The following ACER3 variants were observed in gnomAD, a reference collection of about 807,000 sequenced individuals.
The protein encoded by ACER3 is alkaline ceramidase 3.
A neutral mutation model predicts 48.9 loss-of-function variants in ACER3; 16 were observed. The observed-to-expected ratio is 0.33, with a 90% confidence interval of 0.22 to 0.50. The LOEUF (loss-of-function observed/expected upper bound fraction) is 0.50. ACER3 is among the 20% of genes least tolerant of loss of function. The probability of loss-of-function intolerance (pLI) is 0.98; values close to 1 mark genes in which losing one functional copy is unlikely to be tolerated. For synonymous variants in ACER3, 109 were observed against 107.8 expected, an observed-to-expected ratio of 1.01 and a Z score of -0.07; for missense variants, 227 against 326.0, an observed-to-expected ratio of 0.70 and a Z score of 2.34.
At chr11:77,007,114 G>A (rs200712951) in intron 7 of ACER3, among the ~76,000 whole-genome samples, 9 of 141,962 alleles carry the variant, frequency 6.3e-5, no homozygotes, top group African/African-American at 8.0e-5. Flanking sequence ...CCTGTCTCTT[G>A]AAAAAAAAAA....
rs539577338 is a variant in ACER3 at position 76,974,544 on chromosome 11, C to T, written c.268-1745C>T. Among the ~76,000 whole-genome samples the T allele has an allele frequency of 1.6e-4, 24 of 152,290 alleles. No individual in the cohort carries two copies. The South Asian group carries it at 5.0e-3, about 32-fold the overall frequency. On this transcript the variant is annotated intron_variant, in intron 3 of 10. Coordinates refer to ENST00000532485, the MANE Select transcript of ACER3 (RefSeq NM_018367.7). Reference sequence around the variant, plus strand: ...GAACTGCTCCACCACTTAAAAGTGTCTCAGGATCCTTAGGGTGAAGAAGTG... The same window carrying T: ...GAACTGCTCCACCACTTAAAAGTGTTTCAGGATCCTTAGGGTGAAGAAGTG...
chr11:76,912,989 G>C (rs1946423565), intron 1 of ACER3, among the ~76,000 whole-genome samples: 2 of 152,206 alleles, frequency 1.3e-5, no homozygotes, highest in Non-Finnish European at 1.5e-5. Context: ...TTTAGGATAG[G>C]AAAGAAAGGA....
chr11:76,920,919 A>G (rs1430955583), intron 1 of ACER3, among the ~76,000 whole-genome samples: 1 of 152,192 alleles, frequency 6.6e-6, no homozygotes, highest in African/African-American at 2.4e-5. Context: ...GATTATAGCC[A>G]TGATCCACAA....
intron 4 of ACER3, among the ~76,000 whole-genome samples, chr11:76,982,831 G>GCA (rs1948613920): frequency 6.6e-6 from 1 of 151,960 alleles, no homozygotes; most frequent in South Asian, 2.1e-4. Flanking sequence ...TTTTGAGTTA[G>GCA]TTTTGTCAAA....
chr11:76,958,307 C>T lies in ACER3; in HGVS notation c.215-672C>T, dbSNP rs1435846350. Among the ~76,000 whole-genome samples, 4 of 151,636 alleles carry T rather than the reference C, an allele frequency of 2.6e-5. No individual in the cohort carries two copies. The East Asian group carries it at 7.8e-4, about 30-fold the overall frequency. ...GTTCAAACGATTCTCTTGCCTCAGC[C>T]TCCCGAGTAGCTGGTATTACGGGGG... On this transcript the variant is annotated intron_variant, in intron 2 of 10. Transcript: ENST00000532485.
chr11:76,963,591 A>T (rs758727696), intron 3 of ACER3, among the ~76,000 whole-genome samples: 4 of 151,362 alleles, frequency 2.6e-5, no homozygotes, highest in Non-Finnish European at 1.5e-5. Context: ...ATCCAGTGAC[A>T]TGCTGGATCC....
At chr11:76,993,097 C>G (rs1397684040) in intron 6 of ACER3, among the ~76,000 whole-genome samples, 1 of 152,118 alleles carries the variant, frequency 6.6e-6, no homozygotes, top group Non-Finnish European at 1.5e-5. Flanking sequence ...AACTCCTGAG[C>G]TCAAGCAGTC....
chr11:76,950,352 C>CAA (rs1947613734), intron 2 of ACER3, among the ~76,000 whole-genome samples: 689 of 36,046 alleles, frequency 0.019, 258 homozygotes, highest in Non-Finnish European at 0.068. Context: ...GTGACATGAT[C>CAA]ATATATATAT....
chr11:76,914,071 T>C (rs1946457934), intron 1 of ACER3, among the ~76,000 whole-genome samples: 1 of 152,186 alleles, frequency 6.6e-6, no homozygotes, highest in South Asian at 2.1e-4. Flanking sequence ...AAGACTTAAA[T>C]GTTAGACCTA....
chr11:76,995,615 A>T (rs4945131), intron 6 of ACER3, among the ~76,000 whole-genome samples: 107,340 of 150,572 alleles, frequency 0.71, 38,446 homozygotes, highest in Non-Finnish European at 0.77. Flanking sequence ...TCTTTTTATT[A>T]AAAAAAAAAA....
chr11:76,950,221 T>C (rs138835187), intron 2 of ACER3, among the ~76,000 whole-genome samples: 73 of 151,156 alleles, frequency 4.8e-4, no homozygotes, highest in Non-Finnish European at 9.3e-4. Context: ...AGTGGTAGAA[T>C]ATGAGGTTGG....
chr11:76,936,214 A>G (rs1490345205), intron 2 of ACER3, among the ~76,000 whole-genome samples: 1 of 152,212 alleles, frequency 6.6e-6, no homozygotes, highest in Non-Finnish European at 1.5e-5. Flanking sequence ...TATAGCACTG[A>G]TATTCCAATA....
At chr11:77,005,308 G>A (rs1438665354) in intron 7 of ACER3, among the ~76,000 whole-genome samples, 1 of 152,024 alleles carries the variant, frequency 6.6e-6, no homozygotes, top group Admixed American at 6.6e-5. Flanking sequence ...TAGTGCTTAT[G>A]TTTCTCTTTG....
At chr11:77,004,416 C>T (rs868953637) in intron 7 of ACER3, among the ~76,000 whole-genome samples, 3 of 152,182 alleles carry the variant, frequency 2.0e-5, no homozygotes, top group South Asian at 2.1e-4. Context: ...CCAAGTCCAC[C>T]GACTTAGCTA....
At chr11:76,883,526 C>T (rs1364603961) in intron 1 of ACER3, among the ~76,000 whole-genome samples, 2 of 151,186 alleles carry the variant, frequency 1.3e-5, no homozygotes, top group African/African-American at 4.9e-5. Context: ...CTGCAACCTC[C>T]GCCCTCTGGG....
At chr11:77,007,665 A>G (rs782411005) in intron 7 of ACER3, among the ~76,000 whole-genome samples, 1 of 152,200 alleles carries the variant, frequency 6.6e-6, no homozygotes, top group Non-Finnish European at 1.5e-5. Context: ...GTGTCTCATC[A>G]TTGCCACGGG....
At chr11:76,920,211 T>C (rs1053121220) in intron 1 of ACER3, among the ~76,000 whole-genome samples, 8 of 152,316 alleles carry the variant, frequency 5.3e-5, no homozygotes, top group African/African-American at 1.9e-4. Context: ...GGTCAGCTTC[T>C]GGTGCCAGGC....
At chr11:76,945,833 G>T (rs1018212794) in intron 2 of ACER3, among the ~76,000 whole-genome samples, 1 of 152,192 alleles carries the variant, frequency 6.6e-6, no homozygotes, top group Non-Finnish European at 1.5e-5. Flanking sequence ...GTCTTTGCTG[G>T]TGTTGCTAGT....
At chr11:76,973,786 A>G (rs1948369182) in intron 3 of ACER3, among the ~76,000 whole-genome samples, 1 of 152,008 alleles carries the variant, frequency 6.6e-6, no homozygotes, top group Non-Finnish European at 1.5e-5. Flanking sequence ...TGTTTTTGGT[A>G]TCATAGCTAA....
Sources: gnomAD v4.1 joint callset for allele counts (sites outside exome capture counted in the v4.1 genomes callset) on GRCh38, gnomAD v4.1.1 for gene constraint, MANE v1.5 for transcripts, NCBI Gene and HGNC (gene_info 2026-07-23, HGNC 2026-07-21) for gene names.